The following EML4 variants were observed in gnomAD, a reference collection of about 807,000 sequenced individuals.
EML4 encodes echinoderm microtubule-associated protein-like 4.
In EML4, 72 loss-of-function variants were observed where a neutral mutation model predicts 129.0. The ratio of observed to expected loss-of-function variants is 0.56; its 90% confidence interval spans 0.46 to 0.68. The LOEUF is 0.68. Among genes scored for constraint, EML4 ranks in the 30% least tolerant of loss-of-function variants. EML4 has a pLI of 0.00. For synonymous variants in EML4, 532 were observed against 405.0 expected (o/e 1.31, Z -3.77); for missense variants, 1,363 against 1,190.6 (o/e 1.14, Z -2.13).
chr2:42,205,694 A>G (rs1200291411), intron 1 of EML4, among the ~76,000 whole-genome samples: 1 of 152,216 alleles, frequency 6.6e-6, no homozygotes, highest in African/African-American at 2.4e-5. Flanking sequence ...AGAAATGGAT[A>G]AATTGTTTGT....
chr2:42,188,422 A>T (rs1293329707), intron 1 of EML4, among the ~76,000 whole-genome samples: 1 of 151,322 alleles, frequency 6.6e-6, no homozygotes, highest in East Asian at 2.0e-4. Context: ...GGTTTTTGCC[A>T]TGTTGCCCAG....
chr2:42,216,582 G>A (rs1392021692), intron 1 of EML4, among the ~76,000 whole-genome samples: 1 of 152,050 alleles, frequency 6.6e-6, no homozygotes, highest in African/African-American at 2.4e-5. Context: ...CACAATCCTA[G>A]TATGAGTACA....
intron 19 of EML4, among the ~76,000 whole-genome samples, chr2:42,323,784 A>AC (rs397708088): frequency 1.3e-5 from 2 of 149,482 alleles, no homozygotes; most frequent in African/African-American, 2.5e-5. Flanking sequence ...AAAAAAAAAA[A>AC]CAAACAAAAA....
chr2:42,324,310 C>A (rs964545924), intron 19 of EML4, among the ~76,000 whole-genome samples: 8 of 151,582 alleles, frequency 5.3e-5, no homozygotes, highest in Non-Finnish European at 1.0e-4. Context: ...AGAATAAAAT[C>A]ATGTGACCAG....
intron 1 of EML4, among the ~76,000 whole-genome samples, chr2:42,234,350 C>T (rs540305736): frequency 2.0e-5 from 3 of 152,302 alleles, no homozygotes; most frequent in South Asian, 2.1e-4. Context: ...GGTATTCCTA[C>T]GCAGACAGAA....
intron 9 of EML4, 136 bp downstream of exon 9, chr2:42,284,839 GA>G: frequency 1.9e-6 from 1 of 535,078 alleles, no homozygotes; most frequent in Non-Finnish European, 3.1e-6. Flanking sequence ...TATAAGCATG[GA>G]AAAAACATTA....
intron 1 of EML4, among the ~76,000 whole-genome samples, chr2:42,221,319 G>A (rs1276443492): frequency 6.6e-6 from 1 of 151,166 alleles, no homozygotes; most frequent in Non-Finnish European, 1.5e-5. Context: ...AGGGCCTTGG[G>A]ATTATTCTAC....
intron 1 of EML4, among the ~76,000 whole-genome samples, chr2:42,238,111 TG>T (rs1209925858): frequency 1.3e-5 from 2 of 152,196 alleles, no homozygotes; most frequent in Non-Finnish European, 2.9e-5. Context: ...GTATGTAAGA[TG>T]TAAGTGGAAC....
In EML4 at chr2:42,303,336, G is replaced by C; in HGVS notation, c.1789G>C (p.Gly597Arg). 6.2e-7 allele frequency: 1 copy of C among 1,614,088 alleles called. No homozygotes were observed. The highest frequency in any genetic ancestry group is 8.5e-7 in the Non-Finnish European group (1 of 1,180,014). ...EVQGHTDELW[G>R]LATHPFKDLL... ...TCAGGGTCATACAGATGAGCTTTGGGGTCTTGCCACACATCCCTTCAAAGA... is the reference window on the plus strand; with the variant it reads ...TCAGGGTCATACAGATGAGCTTTGGCGTCTTGCCACACATCCCTTCAAAGA... Residue 597 changes from glycine (G) to arginine (R), a missense_variant, in exon 16 of 23, where the codon GGT (glycine) becomes CGT (arginine). Gly to Arg is a moderately radical substitution (Grantham distance 125, BLOSUM62 -2). Transcript: ENST00000318522.
At chr2:42,235,075 C>G (rs1477023833) in intron 1 of EML4, among the ~76,000 whole-genome samples, 1 of 152,106 alleles carries the variant, frequency 6.6e-6, no homozygotes, top group Non-Finnish European at 1.5e-5. Flanking sequence ...GTGGGTGTAT[C>G]ACCTGAGGTC....
Position 42,216,230 on chromosome 2 carries a change from C to CTTTTTTTTTTT in EML4, c.26-29255_26-29245dup, listed in dbSNP as rs61417977. On this transcript the variant is annotated intron_variant, in intron 1 of 22. Transcript: ENST00000318522. The stretch of plus-strand genomic sequence containing the variant: ...ATGAGCTACCACACCCGGCCCACTT[C>CTTTTTTTTTTT]TTTTTTTTTTTTTTTTTTTTTTTTT... 1.6e-4 allele frequency among the ~76,000 whole-genome samples: 7 copies of CTTTTTTTTTTT among 43,378 alleles called. 1 individual carries two copies. Among genetic ancestry groups the CTTTTTTTTTTT allele is most frequent in the African/African-American group, 8.9e-4 (7 of 7,860 alleles). 28.5% of individuals were successfully genotyped at this position (43,378 alleles called of 152,430 possible). A position where few individuals can be genotyped will look rare whatever the true frequency, so the allele number is the denominator to read the frequency against.
intron 1 of EML4, among the ~76,000 whole-genome samples, chr2:42,205,550 C>T (rs1392658037): frequency 6.6e-6 from 1 of 152,106 alleles, no homozygotes; most frequent in Non-Finnish European, 1.5e-5. Context: ...AATGTTTGCT[C>T]TTAGAAGCTG....
intron 1 of EML4, among the ~76,000 whole-genome samples, chr2:42,217,029 T>G (rs972909015): frequency 1.3e-5 from 2 of 152,218 alleles, no homozygotes; most frequent in African/African-American, 4.8e-5. Flanking sequence ...TCAACTGTAA[T>G]AAAACATTTT....
chr2:42,225,585 T>A (rs113357319), intron 1 of EML4, among the ~76,000 whole-genome samples: 2,299 of 152,274 alleles, frequency 0.015, 63 homozygotes, highest in African/African-American at 0.052. Flanking sequence ...AAAGTTCTGA[T>A]GCTCTAAATC....
At chr2:42,210,039 A>AC (rs1325732459) in intron 1 of EML4, among the ~76,000 whole-genome samples, 4 of 151,946 alleles carry the variant, frequency 2.6e-5, no homozygotes, top group East Asian at 1.9e-4. Context: ...TTCCACACAC[A>AC]CCCCCCATTC....
At position 42,330,619 on chromosome 2, in the gene EML4, C is replaced by CTTTT. The variant is rs553903131; in HGVS notation, c.*425_*428dup. ...TCATCTACTGGCTCAGACTGTACTA[C>CTTTT]TTTTTTTTTTTTTTTTCCTGAAAAA... On this transcript the variant is annotated 3_prime_UTR_variant, in exon 23 of 23. Transcript: ENST00000318522. The CTTTT allele has an allele frequency of 9.7e-6, 2 of 206,308 alleles. No individual in the cohort carries two copies. Among genetic ancestry groups the CTTTT allele is most frequent in the African/African-American group, 2.5e-5 (1 of 40,508 alleles). 12.8% of individuals were successfully genotyped at this position (206,308 alleles called of 1,614,324 possible).
chr2:42,182,158 C>CT (rs36105464), intron 1 of EML4, among the ~76,000 whole-genome samples: 39,382 of 126,056 alleles, frequency 0.31, 5,741 homozygotes, highest in East Asian at 0.57. Context: ...AAAAATTCTT[C>CT]TTTTTTTTTT....
At chr2:42,181,264 A>G (rs1423653683) in intron 1 of EML4, among the ~76,000 whole-genome samples, 6 of 152,128 alleles carry the variant, frequency 3.9e-5, no homozygotes. Flanking sequence ...ATTGGTTTAT[A>G]TCTGTATGGA....
chr2:42,325,119 T>C (rs1669716287), intron 19 of EML4: 3 of 474,420 alleles, frequency 6.3e-6, no homozygotes, highest in Non-Finnish European at 1.3e-5. Context: ...TTCTCAAAAA[T>C]GGAGTCACTC....
Sources: allele counts gnomAD v4.1 joint callset (sites outside exome capture counted in the v4.1 genomes callset), GRCh38; gene constraint gnomAD v4.1.1; transcripts MANE v1.5; gene names NCBI Gene and HGNC (gene_info 2026-07-23, HGNC 2026-07-21).